The following RAD54L2 variants were observed in gnomAD, a reference collection of about 807,000 sequenced individuals.
The protein encoded by RAD54L2 is helicase ARIP4.
RAD54L2 carries 27 observed loss-of-function variants against 138.4 expected under a neutral mutation model. The ratio of observed to expected loss-of-function variants is 0.20; its 90% CI spans 0.14 to 0.27. The LOEUF (loss-of-function observed/expected upper bound fraction) is 0.27, where lower values mean the gene tolerates loss of function less well. Ranked by LOEUF, RAD54L2 falls within the 10% of genes least tolerant of loss-of-function variation. The pLI, the probability that RAD54L2 is intolerant of heterozygous loss-of-function variation, is 1.00. For missense variants in RAD54L2, 1,396 were observed against 1,890.2 expected, an observed-to-expected ratio of 0.74 and a Z score of 4.85; for synonymous variants, 644 against 723.2, an observed-to-expected ratio of 0.89 and a Z score of 1.76.
intron 14 of RAD54L2, 59 bp from the exon 15 acceptor site, chr3:51,641,690 T>C (rs1701140339): frequency 1.7e-6 from 2 of 1,152,798 alleles, no homozygotes; most frequent in Non-Finnish European, 2.5e-6. Context: ...TATGGACCTA[T>C]TGGGAACAAT....
chr3:51,564,797 A>T (rs977413927), intron 2 of RAD54L2, among the ~76,000 whole-genome samples: 2 of 152,164 alleles, frequency 1.3e-5, no homozygotes, highest in African/African-American at 4.8e-5. Flanking sequence ...AAAATTAAAA[A>T]AAGAAAGAAA....
At chr3:51,630,512 G>A (rs559070289) in intron 6 of RAD54L2, 124 bp downstream of exon 6, 24 of 1,014,790 alleles carry the variant, frequency 2.4e-5, no homozygotes, top group Non-Finnish European at 3.3e-5. Flanking sequence ...TAATTTCCCT[G>A]TGTCTCCTTG....
intron 2 of RAD54L2, among the ~76,000 whole-genome samples, chr3:51,565,540 G>A (rs1434060526): frequency 3.3e-5 from 5 of 151,934 alleles, no homozygotes; most frequent in South Asian, 2.1e-4. Context: ...CAGTGGTGCC[G>A]TCTCAGCTTA....
Position 51,539,046 on chromosome 3 carries a change from C to G in RAD54L2, c.-117+131C>G, listed in dbSNP as rs56865301. Among the ~76,000 whole-genome samples, 589 of 152,306 alleles carry G rather than the reference C, an allele frequency of 3.9e-3. 6 individuals carry two copies. Among genetic ancestry groups the G allele is most frequent in the African/African-American group, 0.013 (555 of 41,584 alleles). On this transcript the variant is annotated intron_variant, in intron 1 of 22. Coordinates refer to ENST00000684192, the MANE Select transcript of RAD54L2 (RefSeq NM_015106.4). Reference sequence around the variant, plus strand: ...GGGGCAGCTAGATGGACCCAGCGGCCCGGGCCTTCGGGGCACGGGGTCCCC... The same window carrying G: ...GGGGCAGCTAGATGGACCCAGCGGCGCGGGCCTTCGGGGCACGGGGTCCCC...
intron 3 of RAD54L2, among the ~76,000 whole-genome samples, chr3:51,620,022 C>T (rs1352021757): frequency 1.3e-5 from 2 of 152,038 alleles, no homozygotes; most frequent in East Asian, 1.9e-4. Flanking sequence ...ACACAGACAT[C>T]GTAGCTTGTA....
chr3:51,582,780 A>G (rs1216281030), intron 2 of RAD54L2, among the ~76,000 whole-genome samples: 1 of 124,728 alleles, frequency 8.0e-6, no homozygotes, highest in African/African-American at 3.8e-5. Context: ...TTTTTTTGAG[A>G]CGGAGTCTCG....
chr3:51,599,236 A>G (rs531503154), intron 3 of RAD54L2, among the ~76,000 whole-genome samples: 2 of 152,304 alleles, frequency 1.3e-5, no homozygotes, highest in African/African-American at 4.8e-5. Flanking sequence ...GTGAGAGCAG[A>G]GGAAAAACAT....
intron 19 of RAD54L2, among the ~76,000 whole-genome samples, chr3:51,648,151 A>G (rs1438528988): frequency 1.3e-5 from 2 of 152,010 alleles, no homozygotes; most frequent in Non-Finnish European, 2.9e-5. Context: ...TATATCCCGC[A>G]CCTGTCTCAG....
chr3:51,620,710 G>A (rs143230165), intron 3 of RAD54L2, among the ~76,000 whole-genome samples: 39 of 152,198 alleles, frequency 2.6e-4, no homozygotes, highest in African/African-American at 8.2e-4. Flanking sequence ...TATAACTCTT[G>A]TGGTTACTGC....
chr3:51,634,065 C>T (rs752494598), intron 9 of RAD54L2, 30 bp downstream of exon 9: 3 of 1,605,530 alleles, frequency 1.9e-6, no homozygotes, highest in South Asian at 1.1e-5. Context: ...CTCTCTGCCC[C>T]TTTCCTTTTA....
chr3:51,540,166 T>C (rs1422012320), intron 1 of RAD54L2, among the ~76,000 whole-genome samples: 4 of 152,244 alleles, frequency 2.6e-5, no homozygotes, highest in Non-Finnish European at 4.4e-5. Context: ...AAAAGCTTCT[T>C]TTCACTAATT....
At chr3:51,607,878 G>T (rs1360889082) in intron 3 of RAD54L2, among the ~76,000 whole-genome samples, 2 of 148,896 alleles carry the variant, frequency 1.3e-5, no homozygotes, top group African/African-American at 5.0e-5. Context: ...GGCGGCGGCC[G>T]GGCGGGGGCT....
chr3:51,645,312 T>C lies in RAD54L2; in HGVS notation c.2656+83T>C. Reference sequence around the variant, plus strand: ...TATCAAGGGTGGGAGAGGAGCAGGATATGGGAACACAGGCAGGCTTCGAGA... The same window carrying C: ...TATCAAGGGTGGGAGAGGAGCAGGACATGGGAACACAGGCAGGCTTCGAGA... On this transcript the variant is annotated intron_variant, in intron 17 of 22. Coordinates refer to ENST00000684192, the MANE Select transcript of RAD54L2 (RefSeq NM_015106.4). The surrounding 1 kb of genome is among the most constrained non-coding windows in gnomAD (Gnocchi z 6.1). 6.6e-6 allele frequency: 9 copies of C among 1,365,806 alleles called. No homozygotes were observed. The highest frequency in any genetic ancestry group is 9.2e-6 in the Non-Finnish European group (9 of 983,012). 84.6% of individuals were successfully genotyped at this position (1,365,806 alleles called of 1,614,324 possible).
intron 2 of RAD54L2, among the ~76,000 whole-genome samples, chr3:51,589,397 G>A (rs182917896): frequency 1.3e-5 from 2 of 152,180 alleles, no homozygotes; most frequent in East Asian, 3.9e-4. Context: ...AACAGAGCTG[G>A]ACCTTGTCTA....
intron 3 of RAD54L2, among the ~76,000 whole-genome samples, chr3:51,614,895 C>T (rs1700410730): frequency 1.3e-5 from 2 of 151,490 alleles, no homozygotes; most frequent in South Asian, 2.1e-4. Flanking sequence ...TTTTTTTCAT[C>T]CCAGGGTGTA....
intron 2 of RAD54L2, among the ~76,000 whole-genome samples, chr3:51,579,161 C>CTTT (rs771455214): frequency 2.3e-4 from 30 of 131,638 alleles, no homozygotes; most frequent in African/African-American, 6.8e-4. Context: ...TGAGCCTGGG[C>CTTT]TTTTTTTTTT....
chr3:51,612,982 C>T (rs886820046), intron 3 of RAD54L2, among the ~76,000 whole-genome samples: 5 of 152,168 alleles, frequency 3.3e-5, no homozygotes, highest in Admixed American at 1.3e-4. Context: ...CTCTGTTGCC[C>T]GGGCTGGAGT....
chr3:51,604,890 G>A (rs1700146373), intron 3 of RAD54L2, among the ~76,000 whole-genome samples: 1 of 152,014 alleles, frequency 6.6e-6, no homozygotes, highest in African/African-American at 2.4e-5. Context: ...TCTTTGAATT[G>A]TTATCTTCTG....
rs1443657250 is a variant in RAD54L2 at position 51,666,405 on chromosome 3, A to G, written c.*2985A>G. Reference sequence around the variant, plus strand: ...GTCTTCCACCCATTATCCAGGCCTGAGGGGGGCAGGGTGGCTGGTGATAAG... The same window carrying G: ...GTCTTCCACCCATTATCCAGGCCTGGGGGGGGCAGGGTGGCTGGTGATAAG... On this transcript the variant is annotated 3_prime_UTR_variant, in exon 23 of 23. Transcript: ENST00000684192. The G allele has an allele frequency of 6.6e-6, 1 of 151,626 alleles. No individual in the cohort carries two copies. The highest frequency in any genetic ancestry group is 1.5e-5 in the Non-Finnish European group (1 of 67,892). The allele number at this position is 151,626 out of a possible 1,614,324, so 9.4% of individuals were successfully genotyped here. A position where few individuals can be genotyped will look rare whatever the true frequency, so the allele number is the denominator to read the frequency against.
Sources: allele counts gnomAD v4.1 joint callset (sites outside exome capture counted in the v4.1 genomes callset), GRCh38; gene constraint gnomAD v4.1.1; non-coding constraint Gnocchi (gnomAD v3.1); transcripts MANE v1.5; gene names NCBI Gene and HGNC (gene_info 2026-07-23, HGNC 2026-07-21).